The following FAM107A variants were observed in gnomAD, a reference collection of about 807,000 sequenced individuals.
The protein encoded by FAM107A is family with sequence similarity 107 member A.
In FAM107A, 19 loss-of-function variants were observed where a neutral mutation model predicts 13.7. The ratio of observed to expected loss-of-function variants is 1.38; its 90% CI spans 0.97 to 2.03. The LOEUF is 2.03. Ranked by LOEUF, FAM107A falls within the 30% of genes most tolerant of loss-of-function variation. The pLI, the probability that FAM107A is intolerant of heterozygous loss-of-function variation, is 0.00. For synonymous variants in FAM107A, 82 were observed against 74.5 expected (o/e 1.10, Z -0.52); for missense variants, 203 against 184.4 (o/e 1.10, Z -0.58).
chr3:58,582,302 CCTA>C (rs2065556568), upstream of FAM107A, among the ~76,000 whole-genome samples: 1 of 152,124 alleles, frequency 6.6e-6, no homozygotes. Flanking sequence ...ATCTGGCAGC[CCTA>C]CCTGGCAGAG....
chr3:58,589,730 A>G (rs1369780018), upstream of FAM107A, among the ~76,000 whole-genome samples: 2 of 152,168 alleles, frequency 1.3e-5, no homozygotes, highest in Non-Finnish European at 2.9e-5. Flanking sequence ...TTTTTACCTA[A>G]TGTCCCTTTT....
chr3:58,601,746 A>G (rs2065753707), intron 1 of FAM107A, among the ~76,000 whole-genome samples: 1 of 152,218 alleles, frequency 6.6e-6, no homozygotes, highest in Non-Finnish European at 1.5e-5. Context: ...AAACTTCTCA[A>G]AAGTACTGGA....
chr3:58,567,972 T>C (rs2063639758), intron 2 of FAM107A, among the ~76,000 whole-genome samples: 1 of 152,156 alleles, frequency 6.6e-6, no homozygotes, highest in South Asian at 2.1e-4. Context: ...GGACTTGCTC[T>C]GTTGCCCAGG....
intron 1 of FAM107A, among the ~76,000 whole-genome samples, chr3:58,622,351 G>C (rs1346156768): frequency 6.6e-6 from 1 of 152,196 alleles, no homozygotes; most frequent in African/African-American, 2.4e-5. Flanking sequence ...TGAGGCAGGA[G>C]AATCACTTTA....
At chr3:58,601,315 C>A (rs1167295990) in intron 1 of FAM107A, among the ~76,000 whole-genome samples, 1 of 152,158 alleles carries the variant, frequency 6.6e-6, no homozygotes, top group African/African-American at 2.4e-5. Context: ...TCTTATGCAT[C>A]TCTCCAGGAA....
In FAM107A at chr3:58,599,696, A is replaced by ATTT. The variant is rs57244654; in HGVS notation, c.-69-10430_-69-10428dup. ...GTGGTATACTTAAAACAAGTGCACC[A>ATTT]TTTTTTTTTTTTTTTTTTTTTTTTT... On this transcript the variant is annotated intron_variant, in intron 1 of 3. Transcript: ENST00000465970. 8.7e-4 allele frequency among the ~76,000 whole-genome samples: 68 copies of ATTT among 78,586 alleles called. 11 individuals carry two copies. The highest frequency in any genetic ancestry group is 2.2e-3 in the African/African-American group (45 of 20,248). The allele number at this position is 78,586 out of a possible 152,430, so 51.6% of individuals were successfully genotyped here. A position where few individuals can be genotyped will look rare whatever the true frequency, so the allele number is the denominator to read the frequency against.
At chr3:58,606,292 C>T (rs1357620810) in intron 1 of FAM107A, among the ~76,000 whole-genome samples, 1 of 152,134 alleles carries the variant, frequency 6.6e-6, no homozygotes, top group Non-Finnish European at 1.5e-5. Context: ...GGCGGGGTTT[C>T]ACCATGTTGG....
rs1466423128 is a variant in FAM107A at position 58,617,278 on chromosome 3, C to G, written c.-70+10138G>C. On this transcript the variant is annotated intron_variant, in intron 1 of 3. Coordinates refer to the FAM107A transcript ENST00000465970. This position sits in a 1 kb window ranked among gnomAD's most constrained non-coding sequence, Gnocchi z 4.5. ...ATGACCCCTACCTGTTCCCAGAGCT[C>G]AGGTGGGTGGAGAAAAATCCCCGGA... 6.6e-6 allele frequency among the ~76,000 whole-genome samples: 1 copy of G among 152,144 alleles called. No individual in the cohort carries two copies. Among genetic ancestry groups the G allele is most frequent in the African/African-American group, 2.4e-5 (1 of 41,430 alleles).
At chr3:58,622,507 A>T (rs2065966049) in intron 1 of FAM107A, among the ~76,000 whole-genome samples, 2 of 152,184 alleles carry the variant, frequency 1.3e-5, no homozygotes, top group South Asian at 4.1e-4. Context: ...GAGCTCGACA[A>T]TTGACATTCC....
At chr3:58,603,808 G>A (rs2065771593) in intron 1 of FAM107A, among the ~76,000 whole-genome samples, 1 of 151,364 alleles carries the variant, frequency 6.6e-6, no homozygotes, top group Admixed American at 6.6e-5. Context: ...CAGGCATGTG[G>A]GTGTGCTGGA....
In FAM107A at chr3:58,568,707, C is replaced by G. The variant is rs73838047; in HGVS notation, c.170+984G>C. Among the ~76,000 whole-genome samples the G allele has an allele frequency of 4.4e-3, 675 of 152,298 alleles. 4 individuals carry two copies. The highest frequency in any genetic ancestry group is 0.015 in the African/African-American group (644 of 41,550). On this transcript the variant is annotated intron_variant, in intron 2 of 3. Coordinates refer to ENST00000360997, the MANE Select transcript of FAM107A (RefSeq NM_001076778.3). The stretch of plus-strand genomic sequence containing the variant: ...AACTGTTAGGATATTGGTCACACAA[C>G]TGAAAACAAGAATAGAAATCACAAC...
At chr3:58,583,101 G>A (rs1210763272) in intron 1 of FAM107A, among the ~76,000 whole-genome samples, 3 of 152,142 alleles carry the variant, frequency 2.0e-5, no homozygotes, top group Non-Finnish European at 4.4e-5. Flanking sequence ...GCCCGGCCGA[G>A]CATTCAAGAT....
chr3:58,566,500 G>A lies in FAM107A; in HGVS notation c.*88C>T. The A allele has an allele frequency of 1.1e-6, 1 of 873,936 alleles. No homozygotes were observed. Among genetic ancestry groups the A allele is most frequent in the South Asian group, 1.4e-5 (1 of 71,766 alleles). The allele number at this position is 873,936 out of a possible 1,614,324, so 54.1% of individuals were successfully genotyped here. On this transcript the variant is annotated 3_prime_UTR_variant, in exon 4 of 4. Coordinates refer to ENST00000360997, the MANE Select transcript of FAM107A (RefSeq NM_001076778.3). The stretch of plus-strand genomic sequence containing the variant: ...GTGGGAACATCACAGACGTCCCAGG[G>A]CCTGGGGCCCAGGGCTGCCAGGTAC...
chr3:58,584,802 A>C (rs1216044472), intron 1 of FAM107A, among the ~76,000 whole-genome samples: 2 of 152,240 alleles, frequency 1.3e-5, no homozygotes, highest in Non-Finnish European at 2.9e-5. Context: ...GACGTACACC[A>C]AGTAACCGAT....
At chr3:58,593,952 C>T (rs979331317) in intron 1 of FAM107A, among the ~76,000 whole-genome samples, 1 of 152,126 alleles carries the variant, frequency 6.6e-6, no homozygotes, top group Non-Finnish European at 1.5e-5. Flanking sequence ...GCACCTTTCT[C>T]CTTATGTCAG....
At chr3:58,624,491 G>A (rs1351009761) in intron 1 of FAM107A, among the ~76,000 whole-genome samples, 1 of 151,620 alleles carries the variant, frequency 6.6e-6, no homozygotes, top group Non-Finnish European at 1.5e-5. Flanking sequence ...CCCACAGCTG[G>A]AGAGAACGCT....
At chr3:58,590,840 C>T (rs1408194423), upstream of FAM107A, among the ~76,000 whole-genome samples, 1 of 152,206 alleles carries the variant, frequency 6.6e-6, no homozygotes, top group East Asian at 1.9e-4. Flanking sequence ...CCATATCACT[C>T]TCCTTCAAGT....
At chr3:58,618,059 G>A (rs969393962) in intron 1 of FAM107A, among the ~76,000 whole-genome samples, 3 of 152,196 alleles carry the variant, frequency 2.0e-5, no homozygotes, top group Non-Finnish European at 1.5e-5. Context: ...TGGGTTTGTG[G>A]TGAGGATTCC....
At position 58,566,555 on chromosome 3, in the gene FAM107A, G is replaced by T; in HGVS notation, c.*33C>A. Reference sequence around the variant, plus strand: ...GGGCTGAAGGAGGCTGTCCAGGCCAGGGTGGGCAGTGGCCTGAGCCCGGCA... The same window carrying T: ...GGGCTGAAGGAGGCTGTCCAGGCCATGGTGGGCAGTGGCCTGAGCCCGGCA... On this transcript the variant is annotated 3_prime_UTR_variant, in exon 4 of 4. Coordinates refer to ENST00000360997, the MANE Select transcript of FAM107A (RefSeq NM_001076778.3). The T allele has an allele frequency of 1.3e-6, 2 of 1,513,588 alleles. No homozygotes were observed. The highest frequency in any genetic ancestry group is 1.8e-6 in the Non-Finnish European group (2 of 1,089,970). The allele number at this position is 1,513,588 out of a possible 1,614,324, so 93.8% of individuals were successfully genotyped here.
Sources: gnomAD v4.1 joint callset for allele counts (sites outside exome capture counted in the v4.1 genomes callset) on GRCh38, gnomAD v4.1.1 for gene constraint, Gnocchi (gnomAD v3.1) non-coding constraint, MANE v1.5 for transcripts, NCBI Gene and HGNC (gene_info 2026-07-23, HGNC 2026-07-21) for gene names.